Variants in ZPLD1 observed in about 807,000 individuals in gnomAD.
The protein encoded by ZPLD1 is zona pellucida like domain containing 1.
In ZPLD1, 34 loss-of-function variants were observed where a neutral mutation model predicts 47.2. The ratio of observed to expected loss-of-function variants is 0.72; its 90% CI spans 0.55 to 0.96. The LOEUF is 0.96. Among genes scored for constraint, ZPLD1 ranks in the 40% least tolerant of loss-of-function variants. ZPLD1 has a pLI of 0.00. For synonymous variants in ZPLD1, 176 were observed against 186.2 expected (o/e 0.95, Z 0.45); for missense variants, 512 against 505.8 (o/e 1.01, Z -0.12).
intron 7 of ZPLD1, among the ~76,000 whole-genome samples, chr3:102,400,515 C>G (rs1034095083): frequency 2.0e-5 from 3 of 152,040 alleles, no homozygotes; most frequent in African/African-American, 2.4e-5. Flanking sequence ...TACCCACCCT[C>G]TGCCTTCTCC....
intron 8 of ZPLD1, among the ~76,000 whole-genome samples, chr3:102,467,803 T>C (rs1296880621): frequency 6.7e-6 from 1 of 150,022 alleles, no homozygotes; most frequent in Non-Finnish European, 1.5e-5. Flanking sequence ...CAAAATAACA[T>C]ATTGAAAATT....
chr3:102,461,050 T>A (rs1195674986), intron 6 of ZPLD1, among the ~76,000 whole-genome samples: 4 of 151,978 alleles, frequency 2.6e-5, no homozygotes, highest in African/African-American at 7.2e-5. Flanking sequence ...TTGGCTTTAT[T>A]TGGCAATAAA....
intron 6 of ZPLD1, among the ~76,000 whole-genome samples, chr3:102,459,959 T>C (rs1369771335): frequency 6.6e-6 from 1 of 152,124 alleles, no homozygotes; most frequent in Non-Finnish European, 1.5e-5. Context: ...TGCTGTATAA[T>C]ACAGAAGAGT....
intron 7 of ZPLD1, among the ~76,000 whole-genome samples, chr3:102,463,202 C>G (rs1308963483): frequency 1.3e-5 from 2 of 152,082 alleles, no homozygotes; most frequent in Non-Finnish European, 2.9e-5. Context: ...AAAATCTAAC[C>G]TTGTGGAGGA....
exon 6 of ZPLD1, chr3:102,385,186 TA>T (rs1363301690): frequency 1.3e-5 from 2 of 152,180 alleles, no homozygotes; most frequent in Non-Finnish European, 2.9e-5. Flanking sequence ...GACCTTTTTC[TA>T]AAAGTCTCCA....
At position 102,469,050 on chromosome 3, in the gene ZPLD1, A is replaced by AC. The variant is rs774217807; in HGVS notation, c.848_849insC (p.Lys283AsnfsTer23). The AC allele has an allele frequency of 6.2e-7, 1 of 1,614,172 alleles. No individual in the cohort carries two copies. Among genetic ancestry groups the AC allele is most frequent in the East Asian group, 2.2e-5 (1 of 44,888 alleles). On this transcript the variant is annotated frameshift_variant, in exon 9 of 12. Transcript: ENST00000466937. LOFTEE classifies it high-confidence loss of function. ...TCTTTTGAAGTGTTCCGATTTGTGAAACACAAGAATCAGAAAATGTCCACT... is the reference window on the plus strand; with the variant it reads ...TCTTTTGAAGTGTTCCGATTTGTGAACACACAAGAATCAGAAAATGTCCACT...
intron 7 of ZPLD1, among the ~76,000 whole-genome samples, chr3:102,463,426 G>T (rs1026066309): frequency 3.0e-4 from 46 of 152,200 alleles, no homozygotes; most frequent in African/African-American, 1.1e-3. Context: ...AAGCATCTAT[G>T]TAGCTCATTT....
At chr3:102,461,814 A>T (rs1707510534) in intron 6 of ZPLD1, among the ~76,000 whole-genome samples, 1 of 152,028 alleles carries the variant, frequency 6.6e-6, no homozygotes, top group Non-Finnish European at 1.5e-5. Flanking sequence ...CAGGTAAGTG[A>T]TTTTTGGTAA....
intron 10 of ZPLD1, among the ~76,000 whole-genome samples, chr3:102,471,341 A>G (rs992142935): frequency 3.3e-5 from 5 of 152,164 alleles, no homozygotes; most frequent in Admixed American, 2.6e-4. Flanking sequence ...TCTCTTGTGA[A>G]TTCTCCACGT....
upstream of ZPLD1, among the ~76,000 whole-genome samples, chr3:102,431,967 T>C (rs574464866): frequency 6.0e-4 from 91 of 152,256 alleles, no homozygotes; most frequent in South Asian, 2.5e-3. Context: ...TATGTACTTT[T>C]CCTGGAGAGA....
chr3:102,424,995 G>T (rs77420147), intron 8 of ZPLD1, among the ~76,000 whole-genome samples: 10,719 of 146,114 alleles, frequency 0.073, 572 homozygotes, highest in African/African-American at 0.15. Flanking sequence ...AATAGCTGGG[G>T]TTTTTTTTTT....
intron 3 of ZPLD1, among the ~76,000 whole-genome samples, chr3:102,449,057 T>G (rs2107331611): frequency 6.6e-6 from 1 of 152,338 alleles, no homozygotes; most frequent in Middle Eastern, 3.4e-3. Flanking sequence ...GCCTAACACA[T>G]GTCCTCATTG....
chr3:102,389,164 T>G (rs999503386), intron 6 of ZPLD1, among the ~76,000 whole-genome samples: 1 of 152,214 alleles, frequency 6.6e-6, no homozygotes, highest in African/African-American at 2.4e-5. Flanking sequence ...AGGCTGGTCC[T>G]TAAAAAATAA....
chr3:102,392,281 C>T (rs1239456190), intron 7 of ZPLD1: 9 of 152,262 alleles, frequency 5.9e-5, no homozygotes, highest in Non-Finnish European at 8.8e-5. Flanking sequence ...CTTCTACCAC[C>T]ACTGTGTTAA....
chr3:102,387,339 T>C (rs1197010179), intron 6 of ZPLD1, among the ~76,000 whole-genome samples: 31 of 152,218 alleles, frequency 2.0e-4, no homozygotes, highest in Non-Finnish European at 5.9e-5. Flanking sequence ...TAATATATAG[T>C]TTTCACATTC....
At chr3:102,467,448 T>G (rs1576165727) in intron 8 of ZPLD1, among the ~76,000 whole-genome samples, 1 of 152,032 alleles carries the variant, frequency 6.6e-6, no homozygotes, top group African/African-American at 2.4e-5. Context: ...TCACAATTAT[T>G]AAAGGAATGT....
chr3:102,433,477 TCTTAAAA>T (rs1707042147), upstream of ZPLD1, among the ~76,000 whole-genome samples: 1 of 152,226 alleles, frequency 6.6e-6, no homozygotes, highest in African/African-American at 2.4e-5. Context: ...CACAGTCAGC[TCTTAAAA>T]CTTATAAGTA....
chr3:102,462,258 AT>A (rs752959599), intron 6 of ZPLD1, 22 bp from the exon 7 acceptor site: 4 of 1,507,860 alleles, frequency 2.7e-6, no homozygotes, highest in African/African-American at 2.8e-5. Flanking sequence ...GTAATAATAG[AT>A]TTTTTATTGT....
At chr3:102,457,281 A>C (rs1533934) in intron 5 of ZPLD1, among the ~76,000 whole-genome samples, 1 of 152,238 alleles carries the variant, frequency 6.6e-6, no homozygotes, top group South Asian at 2.1e-4. Flanking sequence ...AGTCAAAACA[A>C]TATGGGTGTA....
Sources: gnomAD v4.1 joint callset for allele counts (sites outside exome capture counted in the v4.1 genomes callset) on GRCh38, gnomAD v4.1.1 for gene constraint, MANE v1.5 for transcripts, NCBI Gene and HGNC (gene_info 2026-07-23, HGNC 2026-07-21) for gene names.